Variants in ABCC6 observed in about 807,000 individuals in gnomAD.
ABCC6 encodes ATP binding cassette subfamily C member 6, also known as ATP-binding cassette sub-family C member 6.
In ABCC6, 126 loss-of-function variants were observed where a neutral mutation model predicts 169.5. The ratio of observed to expected loss-of-function variants is 0.74; its 90% CI spans 0.64 to 0.86. ABCC6 has a LOEUF of 0.86. Ranked by LOEUF, ABCC6 falls within the 40% of genes least tolerant of loss-of-function variation. The probability of loss-of-function intolerance (pLI) is 0.00; values close to 1 mark genes in which losing one functional copy is unlikely to be tolerated. For missense variants in ABCC6, 1,733 were observed against 1,927.2 expected, an observed-to-expected ratio of 0.90 and a Z score of 1.89; for synonymous variants, 752 against 814.7, an observed-to-expected ratio of 0.92 and a Z score of 1.31.
chr16:16,159,424 T>A (rs1394334027), intron 26 of ABCC6, 58 bp downstream of exon 26: 3 of 1,336,198 alleles, frequency 2.2e-6, no homozygotes, highest in Non-Finnish European at 3.0e-6. Flanking sequence ...CAGGGACCCA[T>A]TGCCCCCCCC....
intron 10 of ABCC6, 67 bp from the exon 11 acceptor site, chr16:16,192,989 AG>A: frequency 7.4e-7 from 1 of 1,345,632 alleles, no homozygotes; most frequent in Non-Finnish European, 1.1e-6. Flanking sequence ...CACGTGAACC[AG>A]AGCAACTCCA....
intron 17 of ABCC6, among the ~76,000 whole-genome samples, chr16:16,180,965 A>G (rs1486104651): frequency 6.6e-6 from 1 of 152,194 alleles, no homozygotes; most frequent in Non-Finnish European, 1.5e-5. Context: ...TAAACAAGTA[A>G]GGCAGACAGC....
intron 23 of ABCC6, among the ~76,000 whole-genome samples, chr16:16,163,472 T>C (rs900565254): frequency 6.6e-6 from 1 of 152,220 alleles, no homozygotes; most frequent in Admixed American, 6.5e-5. Context: ...ACCTTGACTT[T>C]GGTGCTGTTT....
rs1447954579 is a variant in ABCC6 at position 16,150,114 on chromosome 16, TAC to T, written c.*17_*18del. ...GCTGTGCGGGCTGGTCCAACTGGGGTACGGTTGAGGGTCCTGGCTCAGACCAG... is the reference window on the plus strand; with the variant it reads ...GCTGTGCGGGCTGGTCCAACTGGGGTGGTTGAGGGTCCTGGCTCAGACCAG... On this transcript the variant is annotated 3_prime_UTR_variant, in exon 31 of 31. Transcript: ENST00000205557. The T allele has an allele frequency of 6.2e-7, 1 of 1,611,426 alleles. No individual in the cohort carries two copies. The highest frequency in any genetic ancestry group is 1.1e-5 in the South Asian group (1 of 90,922).
chr16:16,210,275 T>C (rs1302606591), intron 6 of ABCC6, among the ~76,000 whole-genome samples: 1 of 152,010 alleles, frequency 6.6e-6, no homozygotes, highest in South Asian at 2.1e-4. Flanking sequence ...TGACTGGGAT[T>C]GCAGGCTCCC....
chr16:16,153,089 G>A lies in ABCC6; in HGVS notation c.4208+1539C>T, dbSNP rs187663487. ...CCAGCTAATTTTTGTATTTTTAGTA[G>A]AGACGGGGCTTCACCATATTGGTCA... On this transcript the variant is annotated intron_variant, in intron 29 of 30. Transcript: ENST00000205557. 6.4e-3 allele frequency among the ~76,000 whole-genome samples: 978 copies of A among 152,218 alleles called. 14 individuals carry two copies. Among genetic ancestry groups the A allele is most frequent in the African/African-American group, 0.022 (930 of 41,518 alleles).
At chr16:16,222,494 C>T (rs1465289862) in intron 1 of ABCC6, among the ~76,000 whole-genome samples, 6 of 152,216 alleles carry the variant, frequency 3.9e-5, no homozygotes, top group African/African-American at 9.6e-5. Flanking sequence ...CCTCCCACCT[C>T]GGCCTCCCAG....
At chr16:16,152,215 A>AAAAAAAAAAAT (rs2046406534) in intron 29 of ABCC6, among the ~76,000 whole-genome samples, 1 of 146,822 alleles carries the variant, frequency 6.8e-6, no homozygotes, top group African/African-American at 2.5e-5. Flanking sequence ...AAAAAAAAAA[A>AAAAAAAAAAAT]GTGTGTAGGC....
chr16:16,193,747 T>C (rs1430149836), intron 10 of ABCC6, among the ~76,000 whole-genome samples: 1 of 152,162 alleles, frequency 6.6e-6, no homozygotes, highest in Non-Finnish European at 1.5e-5. Context: ...GCTTTCACTT[T>C]ATGGACTCGC....
At chr16:16,187,602 A>T (rs984327500) in intron 13 of ABCC6, among the ~76,000 whole-genome samples, 1 of 152,202 alleles carries the variant, frequency 6.6e-6, no homozygotes, top group African/African-American at 2.4e-5. Context: ...CAGTCGTTAA[A>T]ATAGAGATTA....
chr16:16,221,841 C>G lies in ABCC6; in HGVS notation c.37-10G>C. The G allele has an allele frequency of 6.2e-7, 1 of 1,612,904 alleles. No homozygotes were observed. The highest frequency in any genetic ancestry group is 8.5e-7 in the Non-Finnish European group (1 of 1,179,694). ...CTGTCTGGTTCCAGACCTGAGGGAA[C>G]ACAAAGAGGACCCTTAGGATGGTAC... is the stretch of plus-strand genomic sequence containing the variant. On this transcript the variant is annotated splice_polypyrimidine_tract_variant and intron_variant, in intron 1 of 30. Coordinates refer to ENST00000205557, the MANE Select transcript of ABCC6 (RefSeq NM_001171.6).
intron 7 of ABCC6, among the ~76,000 whole-genome samples, chr16:16,204,047 T>A (rs2152284498): frequency 6.6e-6 from 1 of 151,990 alleles, no homozygotes; most frequent in South Asian, 2.1e-4. Context: ...CATGCACTTT[T>A]CTTTTTTCTT....
rs8056103 is a variant in ABCC6, at chr16:16,187,064, T to C, written c.1867+60A>G. 0.99 allele frequency: 1,424,281 copies of C among 1,437,478 alleles called. 706,306 individuals are homozygous for C. Among genetic ancestry groups the C allele is most frequent in the East Asian group, 1 (42,542 of 42,542 alleles). 89.0% of individuals were successfully genotyped at this position (1,437,478 alleles called of 1,614,324 possible). On this transcript the variant is annotated intron_variant, in intron 14 of 30. Transcript: ENST00000205557. ...CTGATGCTGGCTTGCCATTATGGGC[T>C]GGGGTGGCCCCCACATCCCCCATCC...
At chr16:16,189,659 C>T (rs2047776206) in intron 12 of ABCC6, among the ~76,000 whole-genome samples, 1 of 152,156 alleles carries the variant, frequency 6.6e-6, no homozygotes, top group Non-Finnish European at 1.5e-5. Flanking sequence ...CTCAGGTGAT[C>T]CACCCACCTC....
Position 16,221,744 on chromosome 16 carries a change from T to C in ABCC6, c.124A>G (p.Met42Val). 3 of 1,613,648 alleles carry C rather than the reference T, an allele frequency of 1.9e-6. No individual in the cohort carries two copies. The highest frequency in any genetic ancestry group is 1.7e-6 in the Non-Finnish European group (2 of 1,179,748). Residue 42 changes from methionine (M) to valine (V), a missense_variant, in exon 2 of 31, where the codon ATG becomes GTG. Physicochemically the swap from Met to Val is conservative, Grantham distance 21. Coordinates refer to ENST00000205557, the MANE Select transcript of ABCC6 (RefSeq NM_001171.6). ...LRTAGVWVPPMYLWVLGPIYL... is the reference protein window; with the variant it reads ...LRTAGVWVPPVYLWVLGPIYL... ...ATGGGACCAAGGACCCAGAGGTACA[T>C]GGGGGGTACCCAGACCCCTGCTGTT...
Position 16,165,699 on chromosome 16 carries a change from C to T in ABCC6, c.3230G>A (p.Ser1077Asn). 6.2e-7 allele frequency: 1 copy of T among 1,613,392 alleles called. No individual in the cohort carries two copies. The highest frequency in any genetic ancestry group is 8.5e-7 in the Non-Finnish European group (1 of 1,180,034). Residue 1077 changes from serine to asparagine, a missense_variant, in exon 23 of 31, where the codon AGC becomes AAC. Ser to Asn is a conservative substitution (Grantham distance 46). Coordinates refer to ENST00000205557, the MANE Select transcript of ABCC6 (RefSeq NM_001171.6). ...LMYAFGLLEV[S>N]LVVAVATPLA... ...TGGGGTAGCCACTGCCACCACCAGG[C>T]TGACCTCCAGGAGTCCAAAGGCGTA...
intron 10 of ABCC6, among the ~76,000 whole-genome samples, chr16:16,194,764 C>T (rs7186376): frequency 0.16 from 24,695 of 151,914 alleles, 3,358 homozygotes; most frequent in East Asian, 0.54. Flanking sequence ...GATCTTGGCT[C>T]ACTGCAACCT....
At chr16:16,152,555 G>A (rs937869932) in intron 29 of ABCC6, among the ~76,000 whole-genome samples, 1 of 152,040 alleles carries the variant, frequency 6.6e-6, no homozygotes, top group Non-Finnish European at 1.5e-5. Flanking sequence ...ACTAAAATGA[G>A]TATTTACTCT....
intron 12 of ABCC6, 112 bp from the exon 13 acceptor site, chr16:16,189,086 G>T: frequency 3.9e-6 from 5 of 1,275,038 alleles, no homozygotes; most frequent in East Asian, 2.3e-5. Context: ...CGCCATGTCC[G>T]CATGTGCTTC....
Sources: allele counts gnomAD v4.1 joint callset (sites outside exome capture counted in the v4.1 genomes callset), GRCh38; gene constraint gnomAD v4.1.1; transcripts MANE v1.5; gene names NCBI Gene and HGNC (gene_info 2026-07-23, HGNC 2026-07-21).